RIC3: variants seen among roughly 807,000 people sequenced by gnomAD.
RIC3 encodes protein RIC-3.
Under a neutral mutation model 27.3 loss-of-function variants are expected in RIC3, and 28 were observed. The ratio of observed to expected loss-of-function variants is 1.02; its 90% CI spans 0.76 to 1.41. The LOEUF (loss-of-function observed/expected upper bound fraction) is 1.41, where lower values mean the gene tolerates loss of function less well. RIC3 is among the 40% of genes most tolerant of loss of function. The probability of loss-of-function intolerance (pLI) is 0.00; values close to 1 mark genes in which losing one functional copy is unlikely to be tolerated. For synonymous variants in RIC3, 184 were observed against 160.4 expected (o/e 1.15, Z -1.11); for missense variants, 501 against 444.7 (o/e 1.13, Z -1.14).
In RIC3 at chr11:8,110,317, C is replaced by T; in HGVS notation, c.*381G>A. 8.6e-6 allele frequency: 3 copies of T among 346,904 alleles called. No individual in the cohort carries two copies. Among genetic ancestry groups the T allele is most frequent in the Non-Finnish European group, 1.7e-5 (3 of 179,840 alleles). 21.5% of individuals were successfully genotyped at this position (346,904 alleles called of 1,614,324 possible). ...ATCTTCATTCTTGCAACCTTAAGTC[C>T]TCATCATCTGTAAGCTGATGTTCGT... On this transcript the variant is annotated 3_prime_UTR_variant, in exon 6 of 6. Coordinates refer to ENST00000309737, the MANE Select transcript of RIC3 (RefSeq NM_001206671.4).
intron 4 of RIC3, among the ~76,000 whole-genome samples, chr11:8,133,520 A>T (rs1289752681): frequency 1.3e-5 from 2 of 152,208 alleles, no homozygotes; most frequent in Non-Finnish European, 2.9e-5. Context: ...TTCAGTGGGA[A>T]GAGTTGCTCC....
intron 1 of RIC3, among the ~76,000 whole-genome samples, chr11:8,152,795 T>A (rs1950353968): frequency 6.6e-6 from 1 of 152,146 alleles, no homozygotes; most frequent in African/African-American, 2.4e-5. Flanking sequence ...CACCTGTGTT[T>A]GATACTCTCA....
At position 8,108,841 on chromosome 11, in the gene RIC3, A is replaced by C. The variant is rs561466032; in HGVS notation, c.*1857T>G. On this transcript the variant is annotated 3_prime_UTR_variant, in exon 6 of 6. Transcript: ENST00000309737. ...AGCAGTATTTATCTCTAATAAGGGA[A>C]TCCTATCCTAAGGCCAAAAGTAAAC... 1 of 152,244 alleles carries C rather than the reference A, an allele frequency of 6.6e-6. No individual in the cohort carries two copies. The highest frequency in any genetic ancestry group is 2.4e-5 in the African/African-American group (1 of 41,460). 9.4% of individuals were successfully genotyped at this position (152,244 alleles called of 1,614,324 possible).
the RIC3 span, chr11:8,095,584 G>A: frequency 7.4e-6 from 12 of 1,612,960 alleles, no homozygotes; most frequent in Admixed American, 3.3e-5. Context: ...GTCAGACCAC[G>A]CCCAGGACGC....
intron 4 of RIC3, among the ~76,000 whole-genome samples, chr11:8,133,533 A>G (rs779218911): frequency 3.3e-5 from 5 of 152,204 alleles, no homozygotes; most frequent in Non-Finnish European, 7.3e-5. Flanking sequence ...GTTGCTCCCC[A>G]GTTCCTAAGA....
In RIC3 at chr11:8,129,667, G is replaced by C. The variant is rs138375400; in HGVS notation, c.522-2860C>G. On this transcript the variant is annotated intron_variant, in intron 4 of 5. Coordinates refer to ENST00000309737, the MANE Select transcript of RIC3 (RefSeq NM_001206671.4). ...TCTATAAGCCCAGCAGAATCATCAA[G>C]TTCCAAATGCAAGAGTTAAGTACAG... Among the ~76,000 whole-genome samples the C allele has an allele frequency of 5.3e-5, 8 of 152,304 alleles. No individual in the cohort carries two copies. In the East Asian group the frequency reaches 1.3e-3, roughly 26 times the overall value.
chr11:8,159,409 T>C (rs1204942420), intron 1 of RIC3, among the ~76,000 whole-genome samples: 4 of 152,154 alleles, frequency 2.6e-5, no homozygotes, highest in Non-Finnish European at 5.9e-5. Flanking sequence ...ATGTATAGAC[T>C]ATCTTTTCAT....
At chr11:8,117,677 A>G (rs1230216023) in intron 5 of RIC3, among the ~76,000 whole-genome samples, 2 of 152,216 alleles carry the variant, frequency 1.3e-5, no homozygotes, top group African/African-American at 2.4e-5. Context: ...GAAAATTGCT[A>G]ACAGAGTACA....
chr11:8,101,521 G>A, downstream of RIC3: 1 of 1,614,252 alleles, frequency 6.2e-7, no homozygotes, highest in Admixed American at 1.7e-5. Flanking sequence ...CCGGGTAGCA[G>A]AGGATGTGTT....
At chr11:8,101,083 A>G, downstream of RIC3, 3 of 1,475,952 alleles carry the variant, frequency 2.0e-6, no homozygotes, top group Middle Eastern at 1.8e-4. Flanking sequence ...CCCTGCCTAC[A>G]CTGGCTAGAG....
At chr11:8,141,481 T>A (rs1949062455) in intron 1 of RIC3, among the ~76,000 whole-genome samples, 1 of 152,040 alleles carries the variant, frequency 6.6e-6, no homozygotes, top group South Asian at 2.1e-4. Flanking sequence ...GAGCTAACTA[T>A]CCTAAATATA....
intron 5 of RIC3, among the ~76,000 whole-genome samples, chr11:8,121,483 T>C (rs895829098): frequency 6.6e-6 from 1 of 151,908 alleles, no homozygotes; most frequent in African/African-American, 2.4e-5. Flanking sequence ...TGGGAGGTTG[T>C]GGTGGGCAGA....
intron 5 of RIC3, among the ~76,000 whole-genome samples, chr11:8,125,966 G>A (rs1946949989): frequency 1.3e-5 from 2 of 152,162 alleles, no homozygotes; most frequent in South Asian, 2.1e-4. Context: ...TTGAACCCAC[G>A]AGGTAGAGGT....
At position 8,126,766 on chromosome 11, in the gene RIC3, A is replaced by T. The variant is rs1947035253; in HGVS notation, c.563T>A (p.Leu188Gln). 2 of 1,614,144 alleles carry T rather than the reference A, an allele frequency of 1.2e-6. No individual in the cohort carries two copies. The highest frequency in any genetic ancestry group is 1.7e-5 in the Admixed American group (1 of 60,020). ...TVTSDQEKRL[L>Q]HQLREITRVM... ...CCTGGTGATTTCTCGGAGCTGATGT[A>T]GCAACCGTTTCTCTTGGTCAGAAGT... The change falls in exon 5 of 6, where the codon CTA becomes CAA. Residue 188 changes from leucine to glutamine, a missense_variant. By Grantham distance (113) the Leu-to-Gln change is moderately radical. Transcript: ENST00000309737.
chr11:8,129,370 A>T (rs1452882106), intron 4 of RIC3, among the ~76,000 whole-genome samples: 3 of 152,072 alleles, frequency 2.0e-5, no homozygotes, highest in African/African-American at 7.2e-5. Flanking sequence ...ACCTCTATAG[A>T]AAAGATGTCC....
chr11:8,100,379 T>A, the RIC3 span: 2 of 741,468 alleles, frequency 2.7e-6, no homozygotes, highest in East Asian at 2.7e-5. Flanking sequence ...TTTAGAGGGA[T>A]GTGTGTTAGA....
Position 8,126,730 on chromosome 11 carries a change from T to C in RIC3, c.599A>G (p.Glu200Gly). ...AGAAAATCTGTCAATGAATTTTCCT[T>C]CTTTCATGACCCTGGTGATTTCTCG... Reference protein sequence around the residue: ...QLREITRVMKEGKFIDRFSPE... With the variant: ...QLREITRVMKGGKFIDRFSPE... Residue 200 changes from glutamate (E) to glycine (G), a missense_variant, in exon 5 of 6, where the codon GAA (glutamate) becomes GGA (glycine). Physicochemically the swap from Glu to Gly is moderately conservative, Grantham distance 98. Transcript: ENST00000309737. 3 of 1,614,190 alleles carry C rather than the reference T, an allele frequency of 1.9e-6. No individual in the cohort carries two copies. The highest frequency in any genetic ancestry group is 1.1e-5 in the South Asian group (1 of 91,088).
the RIC3 span, chr11:8,097,712 A>C: frequency 6.2e-7 from 1 of 1,612,018 alleles, no homozygotes; most frequent in Non-Finnish European, 8.5e-7. Context: ...CCACTCCCCA[A>C]GGTGTTCCTC....
chr11:8,139,735 G>C (rs553421328), intron 2 of RIC3: 172 of 433,046 alleles, frequency 4.0e-4, no homozygotes, highest in African/African-American at 3.4e-3. Flanking sequence ...TCCTAGTTCT[G>C]CCTTGTTAGT....
Sources: allele counts gnomAD v4.1 joint callset (sites outside exome capture counted in the v4.1 genomes callset), GRCh38; gene constraint gnomAD v4.1.1; transcripts MANE v1.5; gene names NCBI Gene and HGNC (gene_info 2026-07-23, HGNC 2026-07-21).